WDR49: variants seen among roughly 807,000 people sequenced by gnomAD.
The protein encoded by WDR49 is cilia- and flagella-associated protein 337.
A neutral mutation model predicts 119.5 loss-of-function variants in WDR49; 107 were observed. That is an observed-to-expected ratio of 0.90 (90% CI 0.77 to 1.05). WDR49 has a LOEUF of 1.05. Ranked by LOEUF, WDR49 falls within the 50% of genes least tolerant of loss-of-function variation. WDR49 has a pLI of 0.00. For missense variants in WDR49, 1,240 were observed against 1,220.5 expected (o/e 1.02, Z -0.24); for synonymous variants, 425 against 418.8 (o/e 1.01, Z -0.18).
intron 5 of WDR49, among the ~76,000 whole-genome samples, chr3:167,617,445 G>A (rs1280768493): frequency 1.3e-5 from 2 of 152,208 alleles, no homozygotes. Context: ...AAGAATCGCT[G>A]AACCTGGGAG....
rs555353070 is a variant in WDR49 at position 167,628,249 on chromosome 3, A to G, written c.166-957T>C. On this transcript the variant is annotated intron_variant, in intron 2 of 18. Coordinates refer to ENST00000682715, the MANE Select transcript of WDR49 (RefSeq NM_001366157.1). The stretch of plus-strand genomic sequence containing the variant: ...TATAATGGCCTCCAAATGTTTAAGT[A>G]AAGTCAGAGTTTCACGTCTCTCACT... Among the ~76,000 whole-genome samples, 7 of 152,208 alleles carry G rather than the reference A, an allele frequency of 4.6e-5. No individual in the cohort carries two copies. The East Asian group carries it at 1.2e-3, about 25-fold the overall frequency.
chr3:167,524,081 T>C (rs1401798862), intron 15 of WDR49, among the ~76,000 whole-genome samples: 2 of 152,336 alleles, frequency 1.3e-5, no homozygotes, highest in East Asian at 3.9e-4. Flanking sequence ...TTTTTAATGA[T>C]TGCCATTCTA....
Position 167,554,127 on chromosome 3 carries a change from G to GA in WDR49, c.1823+522dup, listed in dbSNP as rs1374773534. Among the ~76,000 whole-genome samples, 9 of 149,676 alleles carry GA rather than the reference G, an allele frequency of 6.0e-5. No homozygotes were observed. In the East Asian group the frequency reaches 7.8e-4, roughly 13 times the overall value. On this transcript the variant is annotated intron_variant, in intron 10 of 18. Coordinates refer to ENST00000682715, the MANE Select transcript of WDR49 (RefSeq NM_001366157.1). ...TGTTTATGATCCTTAGTTCTGTCAG[G>GA]AAAAAAAAAGGAAGGAAAAGTAATT...
chr3:167,570,837 A>G (rs982090513), intron 8 of WDR49, among the ~76,000 whole-genome samples: 1 of 152,142 alleles, frequency 6.6e-6, no homozygotes, highest in Non-Finnish European at 1.5e-5. Context: ...GGAGTTCGAG[A>G]CCAGCCTGAC....
At chr3:167,588,342 C>G (rs1714922417) in intron 7 of WDR49, among the ~76,000 whole-genome samples, 1 of 152,096 alleles carries the variant, frequency 6.6e-6, no homozygotes, top group Non-Finnish European at 1.5e-5. Context: ...TTTTCTTAAT[C>G]CATTTATCTT....
chr3:167,531,074 T>C (rs1287350339), intron 13 of WDR49, 41 bp downstream of exon 13: 1 of 1,580,448 alleles, frequency 6.3e-7, no homozygotes, highest in Non-Finnish European at 8.6e-7. Context: ...TCTTTATTGC[T>C]CCCTTTCCAA....
Position 167,604,445 on chromosome 3 carries a change from C to A in WDR49, c.982G>T (p.Ala328Ser), listed in dbSNP as rs140603491. 223 of 1,610,690 alleles carry A rather than the reference C, an allele frequency of 1.4e-4. No individual in the cohort carries two copies. The highest frequency in any genetic ancestry group is 2.0e-4 in the Admixed American group (12 of 59,528). The part of the protein sequence containing the change: ...RQVTYNASLD[A>S]IISSTTSNTN... ...TTGCTGGTTGTACTGGAAATGATAG[C>A]GTCTAAAGATGCATTGTAAGTAACT... Residue 328 changes from alanine to serine, a missense_variant, in exon 6 of 19, where the codon GCT becomes TCT. By Grantham distance (99) the Ala-to-Ser change is moderately conservative. Coordinates refer to ENST00000682715, the MANE Select transcript of WDR49 (RefSeq NM_001366157.1).
Position 167,509,202 on chromosome 3 carries a change from A to G in WDR49, c.2775-3786T>C, listed in dbSNP as rs534598617. ...AGGAAAATGTGTCAGATAATAAAAA[A>G]TGGAGTAGTTTATGCTCTTTGTTGC... is the stretch of plus-strand genomic sequence containing the variant. On this transcript the variant is annotated intron_variant, in intron 16 of 18. Coordinates refer to ENST00000682715, the MANE Select transcript of WDR49 (RefSeq NM_001366157.1). Among the ~76,000 whole-genome samples, 27 of 152,350 alleles carry G rather than the reference A, an allele frequency of 1.8e-4. No individual in the cohort carries two copies. In the East Asian group the frequency reaches 4.6e-3, roughly 26 times the overall value.
chr3:167,483,892 A>G (rs1373716988), intron 18 of WDR49, among the ~76,000 whole-genome samples: 3 of 152,198 alleles, frequency 2.0e-5, no homozygotes, highest in Non-Finnish European at 4.4e-5. Context: ...TGTGGCAAAA[A>G]TGATGTCATT....
At chr3:167,610,775 C>T (rs1239693789) in intron 5 of WDR49, among the ~76,000 whole-genome samples, 5 of 152,176 alleles carry the variant, frequency 3.3e-5, no homozygotes, top group Non-Finnish European at 7.3e-5. Context: ...CCAGCACAGT[C>T]ATAGTAGTAG....
At chr3:167,593,109 C>G (rs1715225758) in intron 7 of WDR49, among the ~76,000 whole-genome samples, 1 of 152,008 alleles carries the variant, frequency 6.6e-6, no homozygotes, top group South Asian at 2.1e-4. Context: ...GCTTGGTGTT[C>G]TATAGCCTTC....
At chr3:167,520,206 C>A (rs1752387094) in intron 16 of WDR49, among the ~76,000 whole-genome samples, 1 of 150,626 alleles carries the variant, frequency 6.6e-6, no homozygotes, top group Non-Finnish European at 1.5e-5. Flanking sequence ...GTGGTCGCAC[C>A]ACTGCATTTC....
rs199677479 is a variant in WDR49 at position 167,531,198 on chromosome 3, C to A, written c.2135G>T (p.Arg712Leu). ...GCCCTCAGTGTCAATCTCAAAGTTGCGGACTCCCGTGGTAGAATGGTCTGC... is the reference window on the plus strand; with the variant it reads ...GCCCTCAGTGTCAATCTCAAAGTTGAGGACTCCCGTGGTAGAATGGTCTGC... ...PMADHSTTGV[R>L]NFEIDTEGKN... Residue 712 changes from arginine to leucine, a missense_variant, in exon 13 of 19, where the codon CGC (arginine) becomes CTC (leucine). By Grantham distance (102) the Arg-to-Leu change is moderately radical (BLOSUM62 -2). Coordinates refer to ENST00000682715, the MANE Select transcript of WDR49 (RefSeq NM_001366157.1). The A allele has an allele frequency of 3.1e-6, 5 of 1,611,876 alleles. No homozygotes were observed. The highest frequency in any genetic ancestry group is 3.3e-5 in the Admixed American group (2 of 59,938).
chr3:167,647,945 G>C (rs996086817), intron 2 of WDR49, among the ~76,000 whole-genome samples: 1 of 152,188 alleles, frequency 6.6e-6, no homozygotes, highest in South Asian at 2.1e-4. Flanking sequence ...GCAGAGCACA[G>C]GGCCTGTGCA....
At chr3:167,529,984 T>C (rs185664675) in intron 13 of WDR49, among the ~76,000 whole-genome samples, 1 of 152,196 alleles carries the variant, frequency 6.6e-6, no homozygotes, top group Admixed American at 6.6e-5. Flanking sequence ...AATAATAACA[T>C]GTAGCTGCTT....
At chr3:167,585,566 T>G (rs928915795) in intron 7 of WDR49, among the ~76,000 whole-genome samples, 3 of 152,030 alleles carry the variant, frequency 2.0e-5, no homozygotes, top group Non-Finnish European at 4.4e-5. Context: ...TATATCTATG[T>G]GTCTATCTAT....
chr3:167,501,269 T>C (rs1751554263), intron 17 of WDR49, among the ~76,000 whole-genome samples: 1 of 152,196 alleles, frequency 6.6e-6, no homozygotes, highest in Admixed American at 6.5e-5. Context: ...TTAAGACAGA[T>C]GAGGAAACTG....
At chr3:167,615,768 C>T (rs1256660647) in intron 5 of WDR49, among the ~76,000 whole-genome samples, 1 of 152,194 alleles carries the variant, frequency 6.6e-6, no homozygotes, top group African/African-American at 2.4e-5. Context: ...AAATACAGCT[C>T]AGTTTCTCAG....
At chr3:167,647,497 T>G (rs1217817997) in intron 2 of WDR49, among the ~76,000 whole-genome samples, 1 of 152,234 alleles carries the variant, frequency 6.6e-6, no homozygotes, top group Admixed American at 6.5e-5. Flanking sequence ...TGACGCCATT[T>G]GCTAGCATTA....
Sources: allele counts gnomAD v4.1 joint callset (sites outside exome capture counted in the v4.1 genomes callset), GRCh38; gene constraint gnomAD v4.1.1; transcripts MANE v1.5; gene names NCBI Gene and HGNC (gene_info 2026-07-23, HGNC 2026-07-21).